Variants in TMEM272 observed in about 807,000 individuals in gnomAD.
The protein encoded by TMEM272 is long intergenic non-protein coding RNA 282.
In TMEM272, 8 loss-of-function variants were observed where a neutral mutation model predicts 3.7. The observed-to-expected ratio is 2.17, with a 90% confidence interval of 1.27 to 3.91. The LOEUF (loss-of-function observed/expected upper bound fraction) is 3.91. Among genes scored for constraint, TMEM272 ranks in the 30% most tolerant of loss-of-function variants. TMEM272 has a pLI of 0.00. For missense variants in TMEM272, 166 were observed against 91.5 expected (o/e 1.81, Z -3.32); for synonymous variants, 63 against 39.8 (o/e 1.58, Z -2.20).
chr13:51,901,392 T>C, the TMEM272 span, among the ~76,000 whole-genome samples: 1 of 152,142 alleles, frequency 6.6e-6, no homozygotes, highest in Non-Finnish European at 1.5e-5. Flanking sequence ...AAACCACTCC[T>C]GCTAGAGGGG....
rs1019362360 is a variant in TMEM272 at position 51,816,991 on chromosome 13, G to A, written c.324C>T (p.His108=). The A allele has an allele frequency of 5.7e-6, 4 of 702,950 alleles. No homozygotes were observed. In the African/African-American group the frequency reaches 7.0e-5, roughly 12 times the overall value. 43.5% of individuals were successfully genotyped at this position (702,950 alleles called of 1,614,324 possible). ...WRQNAHRYYI[H]LLLSLFLFLW... ...GGAAGAGGAAGAGGCTCAGCAGGAG[G>A]TGGATGTAGTATCTGTGCGCATTCT... Residue 108 remains histidine (H), a synonymous_variant, in exon 5 of 5, where the codon CAC becomes CAT. Transcript: ENST00000629372.
the TMEM272 span, among the ~76,000 whole-genome samples, chr13:51,878,456 T>C: frequency 0.96 from 146,405 of 152,142 alleles, 70,456 homozygotes; most frequent in East Asian, 1. Flanking sequence ...AAACAAAAAC[T>C]ATCAGATCTC....
At chr13:51,840,085 A>G (rs1312988514) in intron 1 of TMEM272, among the ~76,000 whole-genome samples, 1 of 152,154 alleles carries the variant, frequency 6.6e-6, no homozygotes, top group East Asian at 1.9e-4. Flanking sequence ...GAAAACCAAG[A>G]TTCAGATCAA....
chr13:51,898,432 G>C, the TMEM272 span, among the ~76,000 whole-genome samples: 1 of 151,618 alleles, frequency 6.6e-6, no homozygotes, highest in Non-Finnish European at 1.5e-5. Context: ...CCTTATAATA[G>C]AGAGGATGGC....
intron 1 of TMEM272, among the ~76,000 whole-genome samples, chr13:51,840,922 T>C (rs1956257429): frequency 6.6e-6 from 1 of 152,198 alleles, no homozygotes; most frequent in African/African-American, 2.4e-5. Context: ...ATGAGACCAG[T>C]TCTCTGGCCC....
chr13:51,849,825 T>C (rs932877243), upstream of TMEM272, among the ~76,000 whole-genome samples: 1 of 152,092 alleles, frequency 6.6e-6, no homozygotes, highest in Non-Finnish European at 1.5e-5. Context: ...AGTGTCAGGG[T>C]TGGGAAAATG....
intron 3 of TMEM272, 69 bp from the exon 4 acceptor site, chr13:51,822,206 G>T: frequency 3.1e-6 from 2 of 638,692 alleles, no homozygotes; most frequent in Non-Finnish European, 5.6e-6. Flanking sequence ...TTTTGAAAAT[G>T]AGTGGAACAC....
chr13:51,826,353 T>G (rs1259859086), intron 3 of TMEM272, among the ~76,000 whole-genome samples: 2 of 152,170 alleles, frequency 1.3e-5, no homozygotes, highest in Non-Finnish European at 2.9e-5. Context: ...CCCACCCAGA[T>G]ATACTGCACT....
At chr13:51,844,813 C>T (rs1413773144) in intron 1 of TMEM272, among the ~76,000 whole-genome samples, 1 of 152,200 alleles carries the variant, frequency 6.6e-6, no homozygotes, top group Non-Finnish European at 1.5e-5. Context: ...GTTCTCTTCT[C>T]CAGAAAACCC....
At position 51,832,691 on chromosome 13, in the gene TMEM272, A is replaced by G. The variant is rs376709030; in HGVS notation, c.58+5782T>C. 2.6e-5 allele frequency among the ~76,000 whole-genome samples: 4 copies of G among 152,100 alleles called. No individual in the cohort carries two copies. The East Asian group carries it at 7.7e-4, about 29-fold the overall frequency. ...CACCCCTCTTCTCCAGCCCTGCACA[A>G]GCACCCTGCATTGCCACAGCCACCC... On this transcript the variant is annotated intron_variant, in intron 2 of 4. Transcript: ENST00000629372.
At chr13:51,925,387 A>G in the TMEM272 span, among the ~76,000 whole-genome samples, 1 of 152,350 alleles carries the variant, frequency 6.6e-6, no homozygotes, top group East Asian at 1.9e-4. Flanking sequence ...CACTTTCCAT[A>G]GAAATTGAAA....
chr13:51,829,000 C>G (rs919613479), intron 2 of TMEM272, among the ~76,000 whole-genome samples: 7 of 152,244 alleles, frequency 4.6e-5, no homozygotes, highest in African/African-American at 1.7e-4. Flanking sequence ...ATACCTTGTC[C>G]TCTCACAACT....
chr13:51,876,879 G>A, the TMEM272 span, among the ~76,000 whole-genome samples: 1 of 152,180 alleles, frequency 6.6e-6, no homozygotes, highest in Non-Finnish European at 1.5e-5. Context: ...GTGCAAGCTG[G>A]AGAGCAGGAT....
At chr13:51,900,283 C>A in the TMEM272 span, among the ~76,000 whole-genome samples, 693 of 152,090 alleles carry the variant, frequency 4.6e-3, 1 homozygote, top group Non-Finnish European at 6.7e-3. Context: ...TTAACTCTTA[C>A]AAATCAACAA....
chr13:51,874,119 T>C, the TMEM272 span, among the ~76,000 whole-genome samples: 2 of 152,316 alleles, frequency 1.3e-5, no homozygotes, highest in South Asian at 4.1e-4. Flanking sequence ...ACAGAGGCCC[T>C]GGCAGAGGGG....
the TMEM272 span, among the ~76,000 whole-genome samples, chr13:51,863,708 C>CACACAAA: frequency 7.1e-6 from 1 of 141,022 alleles, no homozygotes; most frequent in Admixed American, 7.3e-5. Context: ...CACACACACA[C>CACACAAA]ACCAGCTATG....
the TMEM272 span, among the ~76,000 whole-genome samples, chr13:51,911,840 C>T: frequency 1.3e-5 from 2 of 152,120 alleles, no homozygotes; most frequent in Non-Finnish European, 2.9e-5. Context: ...CCATGCACTG[C>T]CCAGCTCCAT....
At chr13:51,835,296 C>T (rs1255677181) in intron 2 of TMEM272, among the ~76,000 whole-genome samples, 1 of 151,422 alleles carries the variant, frequency 6.6e-6, no homozygotes, top group African/African-American at 2.4e-5. Flanking sequence ...GCAATCTCGG[C>T]TCACTGCAAC....
the TMEM272 span, among the ~76,000 whole-genome samples, chr13:51,881,200 T>C: frequency 6.6e-6 from 1 of 152,138 alleles, no homozygotes; most frequent in South Asian, 2.1e-4. Context: ...GCTCTTACTG[T>C]GATGGTTGTT....
Sources: gnomAD v4.1 joint callset for allele counts (sites outside exome capture counted in the v4.1 genomes callset) on GRCh38, gnomAD v4.1.1 for gene constraint, MANE v1.5 for transcripts, NCBI Gene and HGNC (gene_info 2026-07-23, HGNC 2026-07-21) for gene names.